RAB3C: variants seen among roughly 807,000 people sequenced by gnomAD.
RAB3C encodes the protein RAB3C, member RAS oncogene family.
A neutral mutation model predicts 26.4 loss-of-function variants in RAB3C; 17 were observed. The observed-to-expected ratio is 0.64, with a 90% CI of 0.44 to 0.97. The LOEUF (loss-of-function observed/expected upper bound fraction) is 0.97. Among genes scored for constraint, RAB3C ranks in the 50% least tolerant of loss-of-function variants. The pLI is 0.00. For missense variants in RAB3C, 242 were observed against 281.9 expected (o/e 0.86, Z 1.01); for synonymous variants, 91 against 95.9 (o/e 0.95, Z 0.30).
At position 58,674,741 on chromosome 5, in the gene RAB3C, A is replaced by T. The variant is rs1457144290; in HGVS notation, c.253-51261A>T. On this transcript the variant is annotated intron_variant, in intron 2 of 4. Transcript: ENST00000282878. ...GTGCATAGAGGTCTTTCTTACAAAGAAAGTGCACGGAAAACTTTAGAAGGT... is the reference window on the plus strand; with the variant it reads ...GTGCATAGAGGTCTTTCTTACAAAGTAAGTGCACGGAAAACTTTAGAAGGT... Among the ~76,000 whole-genome samples the T allele has an allele frequency of 3.9e-5, 6 of 152,228 alleles. No homozygotes were observed. In the East Asian group the frequency reaches 7.7e-4, roughly 20 times the overall value.
At chr5:58,848,922 G>A (rs1216452388) in intron 4 of RAB3C, among the ~76,000 whole-genome samples, 2 of 152,106 alleles carry the variant, frequency 1.3e-5, no homozygotes, top group East Asian at 3.9e-4. Context: ...GAATAAATAG[G>A]TGCCATTATT....
rs1404041051 is a variant in RAB3C, at chr5:58,854,479, TAGA to T, written c.*3131_*3133del. 3 of 152,266 alleles carry T rather than the reference TAGA, an allele frequency of 2.0e-5. No homozygotes were observed. Among genetic ancestry groups the T allele is most frequent in the African/African-American group, 7.2e-5 (3 of 41,544 alleles). 9.4% of individuals were successfully genotyped at this position (152,266 alleles called of 1,614,324 possible). ...CAGTTTTTGGAGATGGGGATGGAAG[TAGA>T]AGGTGCACAAAGCGTCCTAAGATGG... On this transcript the variant is annotated 3_prime_UTR_variant, in exon 5 of 5. Transcript: ENST00000282878.
chr5:58,822,740 T>C, intron 3 of RAB3C: 1 of 512,444 alleles, frequency 2.0e-6, no homozygotes, highest in South Asian at 1.7e-5. Context: ...GCAGCATATG[T>C]ACATGGTACA....
At chr5:58,673,756 A>G (rs1424164397) in intron 2 of RAB3C, among the ~76,000 whole-genome samples, 1 of 152,214 alleles carries the variant, frequency 6.6e-6, no homozygotes, top group Non-Finnish European at 1.5e-5. Flanking sequence ...AGTTATGTTG[A>G]AATACTTTTT....
chr5:58,720,121 T>C (rs1465813565), intron 2 of RAB3C, among the ~76,000 whole-genome samples: 2 of 151,928 alleles, frequency 1.3e-5, no homozygotes, highest in South Asian at 2.1e-4. Flanking sequence ...CAATTTTAAA[T>C]TGCTATGCTG....
intron 2 of RAB3C, among the ~76,000 whole-genome samples, chr5:58,656,807 A>G (rs1263781918): frequency 6.6e-6 from 1 of 152,236 alleles, no homozygotes; most frequent in African/African-American, 2.4e-5. Flanking sequence ...CAGTACAACC[A>G]CTATGGAAAA....
At chr5:58,812,576 A>G (rs1050967942) in intron 3 of RAB3C, among the ~76,000 whole-genome samples, 3 of 152,236 alleles carry the variant, frequency 2.0e-5, no homozygotes, top group Non-Finnish European at 4.4e-5. Context: ...CCAGACTGCA[A>G]GCTCCCTGAG....
rs1409756445 is a variant in RAB3C, at chr5:58,851,845, G to A, written c.*494G>A. The A allele has an allele frequency of 1.3e-5, 2 of 152,224 alleles. No homozygotes were observed. The highest frequency in any genetic ancestry group is 2.9e-5 in the Non-Finnish European group (2 of 68,142). 9.4% of individuals were successfully genotyped at this position (152,224 alleles called of 1,614,324 possible). ...ACTCTTAGTTGAAAATCAAATGGAA[G>A]TTTTTCTCATGATTAGGGACGCTGT... On this transcript the variant is annotated 3_prime_UTR_variant, in exon 5 of 5. Transcript: ENST00000282878.
At chr5:58,802,421 G>T (rs996919602) in intron 3 of RAB3C, among the ~76,000 whole-genome samples, 1 of 152,272 alleles carries the variant, frequency 6.6e-6, no homozygotes, top group African/African-American at 2.4e-5. Context: ...AAAGGACAGA[G>T]AAATCATGCA....
At chr5:58,827,094 C>T (rs1743499205) in intron 4 of RAB3C, among the ~76,000 whole-genome samples, 2 of 152,072 alleles carry the variant, frequency 1.3e-5, no homozygotes, top group African/African-American at 4.8e-5. Context: ...CACAGGGCCT[C>T]TTCCCACTCT....
intron 2 of RAB3C, among the ~76,000 whole-genome samples, chr5:58,709,417 T>G (rs1224441662): frequency 6.6e-6 from 1 of 152,184 alleles, no homozygotes; most frequent in Non-Finnish European, 1.5e-5. Flanking sequence ...CAATTCACAG[T>G]CCAGTCCTCA....
intron 4 of RAB3C, among the ~76,000 whole-genome samples, chr5:58,838,549 G>A (rs1318264698): frequency 1.3e-5 from 2 of 151,966 alleles, no homozygotes; most frequent in Non-Finnish European, 2.9e-5. Flanking sequence ...TTGTGGTCAG[G>A]TAAGATACTT....
Position 58,734,526 on chromosome 5 carries a change from C to T in RAB3C, c.371+8406C>T, listed in dbSNP as rs568607324. On this transcript the variant is annotated intron_variant, in intron 3 of 4. Transcript: ENST00000282878. The stretch of plus-strand genomic sequence containing the variant: ...TAATGATACATTTCTTATTGCTGGT[C>T]GGACCCAACCATAGAACATTATTTT... 1.9e-4 allele frequency among the ~76,000 whole-genome samples: 29 copies of T among 152,210 alleles called. No homozygotes were observed. In the South Asian group the frequency reaches 4.8e-3, roughly 25 times the overall value.
intron 2 of RAB3C, among the ~76,000 whole-genome samples, chr5:58,693,379 T>A (rs1748621578): frequency 7.0e-6 from 1 of 143,870 alleles, no homozygotes; most frequent in African/African-American, 2.7e-5. Flanking sequence ...CTTAAAACCT[T>A]GCAATTCACC....
At chr5:58,748,778 A>G (rs1254884887) in intron 3 of RAB3C, among the ~76,000 whole-genome samples, 1 of 152,194 alleles carries the variant, frequency 6.6e-6, no homozygotes, top group Non-Finnish European at 1.5e-5. Context: ...CTTCTATAAC[A>G]TAGTTACTGG....
chr5:58,826,507 C>G (rs1026828417), intron 4 of RAB3C, among the ~76,000 whole-genome samples: 3 of 152,138 alleles, frequency 2.0e-5, no homozygotes, highest in African/African-American at 7.2e-5. Flanking sequence ...TGGTAGACCA[C>G]TGAGAATATT....
rs951853276 is a variant in RAB3C at position 58,583,150 on chromosome 5, C to T, written c.-59C>T. 1 of 1,613,108 alleles carries T rather than the reference C, an allele frequency of 6.2e-7. No homozygotes were observed. The highest frequency in any genetic ancestry group is 1.3e-5 in the African/African-American group (1 of 74,930). ...GCGTGGAGCGCCGGGACTGTGCACG[C>T]TTGACCGGAAGCCCAGACCAGTGCG... On this transcript the variant is annotated 5_prime_UTR_variant, in exon 1 of 5. Transcript: ENST00000282878.
At chr5:58,737,429 A>AAAATT (rs1741171351) in intron 3 of RAB3C, among the ~76,000 whole-genome samples, 2 of 102,870 alleles carry the variant, frequency 1.9e-5, no homozygotes, top group African/African-American at 4.7e-5. Context: ...ATATATATAT[A>AAAATT]TATATATATA....
At chr5:58,779,912 T>C (rs1160206043) in intron 3 of RAB3C, among the ~76,000 whole-genome samples, 1 of 152,038 alleles carries the variant, frequency 6.6e-6, no homozygotes, top group Non-Finnish European at 1.5e-5. Context: ...TAATCCACAG[T>C]TAGGGTCAAA....
Sources: allele counts gnomAD v4.1 joint callset (sites outside exome capture counted in the v4.1 genomes callset), GRCh38; gene constraint gnomAD v4.1.1; transcripts MANE v1.5; gene names NCBI Gene and HGNC (gene_info 2026-07-23, HGNC 2026-07-21).